The following WWOX variants were observed in gnomAD, a reference collection of about 807,000 sequenced individuals.
The protein encoded by WWOX is WW domain containing oxidoreductase.
In WWOX, 69 loss-of-function variants were observed where a neutral mutation model predicts 46.2. The observed-to-expected ratio is 1.49, with a 90% CI of 1.23 to 1.82. The LOEUF (loss-of-function observed/expected upper bound fraction) is 1.82, where lower values mean the gene tolerates loss of function less well. Among genes scored for constraint, WWOX ranks in the 40% most tolerant of loss-of-function variants. WWOX has a pLI of 0.00. For synonymous variants in WWOX, 359 were observed against 202.6 expected, an observed-to-expected ratio of 1.77 and a Z score of -6.56; for missense variants, 919 against 542.6, an observed-to-expected ratio of 1.69 and a Z score of -6.89.
In WWOX at chr16:78,812,989, A is replaced by G. The variant is rs139783897; in HGVS notation, c.1056+380237A>G. 2.5e-3 allele frequency among the ~76,000 whole-genome samples: 374 copies of G among 152,322 alleles called. 1 individual carries two copies. Among genetic ancestry groups the G allele is most frequent in the Middle Eastern group, 0.017 (5 of 294 alleles). ...GAATTTTGTTATGAATCTTTGGGGA[A>G]ACACAATTAGGGAATCTACCTTAAT... is the stretch of plus-strand genomic sequence containing the variant. On this transcript the variant is annotated intron_variant, in intron 8 of 8. Transcript: ENST00000566780.
intron 8 of WWOX, among the ~76,000 whole-genome samples, chr16:79,199,739 G>C (rs1156611259): frequency 6.6e-6 from 1 of 152,134 alleles, no homozygotes; most frequent in Non-Finnish European, 1.5e-5. Context: ...TACTGGTAGA[G>C]GACAGATTTT....
intron 8 of WWOX, among the ~76,000 whole-genome samples, chr16:78,782,966 A>T (rs1035874784): frequency 2.0e-5 from 3 of 152,190 alleles, no homozygotes; most frequent in African/African-American, 7.2e-5. Context: ...GGCCATTTCT[A>T]TGCCTGCCTG....
chr16:79,091,265 G>A (rs1015585424), intron 8 of WWOX, among the ~76,000 whole-genome samples: 1 of 152,060 alleles, frequency 6.6e-6, no homozygotes, highest in African/African-American at 2.4e-5. Context: ...TAGTAGTTGG[G>A]GCATTTTTAT....
chr16:79,045,404 G>T (rs1027136888), intron 8 of WWOX, among the ~76,000 whole-genome samples: 1 of 152,182 alleles, frequency 6.6e-6, no homozygotes, highest in Non-Finnish European at 1.5e-5. Context: ...TCCCACTCCA[G>T]AGAGATGTAC....
In WWOX at chr16:78,639,135, C is replaced by T. The variant is rs138155787; in HGVS notation, c.1056+206383C>T. ...TTGGACATTTATTGTTCTTTTTGGG[C>T]AAGGTGAAAACTTGAAACCAAAAGT... is the stretch of plus-strand genomic sequence containing the variant. On this transcript the variant is annotated intron_variant, in intron 8 of 8. Coordinates refer to ENST00000566780, the MANE Select transcript of WWOX (RefSeq NM_016373.4). Among the ~76,000 whole-genome samples, 36 of 152,244 alleles carry T rather than the reference C, an allele frequency of 2.4e-4. No individual in the cohort carries two copies. In the East Asian group the frequency reaches 5.4e-3, roughly 23 times the overall value.
intron 8 of WWOX, among the ~76,000 whole-genome samples, chr16:79,163,480 C>G (rs775081591): frequency 1.8e-4 from 27 of 152,084 alleles, no homozygotes; most frequent in Non-Finnish European, 3.5e-4. Context: ...TGCACACAGT[C>G]AGTAATCAAT....
chr16:78,488,456 G>C (rs778332546), intron 8 of WWOX, among the ~76,000 whole-genome samples: 1 of 152,080 alleles, frequency 6.6e-6, no homozygotes, highest in South Asian at 2.1e-4. Context: ...GCTGAGATTG[G>C]CTCTTCCTGA....
intron 1 of WWOX, among the ~76,000 whole-genome samples, chr16:78,107,897 C>G (rs970697738): frequency 6.6e-6 from 1 of 152,040 alleles, no homozygotes; most frequent in African/African-American, 2.4e-5. Context: ...AAAACCAAAA[C>G]AAATACACAG....
chr16:79,073,878 T>G (rs2048598842), intron 8 of WWOX, among the ~76,000 whole-genome samples: 1 of 152,206 alleles, frequency 6.6e-6, no homozygotes, highest in South Asian at 2.1e-4. Flanking sequence ...GGTAGTAATT[T>G]TAAAATGGGC....
rs564570291 is a variant in WWOX, at chr16:78,367,957, A to G, written c.517-18903A>G. ...TTTTTAGTGGAGACGGGATTTCACC[A>G]TGTTGGTCAGGCTGGTGTCAAACTC... On this transcript the variant is annotated intron_variant, in intron 5 of 8. Transcript: ENST00000566780. Among the ~76,000 whole-genome samples, 13 of 152,114 alleles carry G rather than the reference A, an allele frequency of 8.5e-5. No individual in the cohort carries two copies. The East Asian group carries it at 2.3e-3, about 27-fold the overall frequency.
chr16:79,019,231 A>C (rs35859178), intron 8 of WWOX, among the ~76,000 whole-genome samples: 67,179 of 143,934 alleles, frequency 0.47, 16,056 homozygotes, highest in East Asian at 0.55. Context: ...TGTGTCACTT[A>C]GCAGTGGGGA....
intron 5 of WWOX, among the ~76,000 whole-genome samples, chr16:78,256,948 G>A (rs142914163): frequency 6.6e-6 from 1 of 152,092 alleles, no homozygotes; most frequent in Non-Finnish European, 1.5e-5. Context: ...GAGTCAAAGA[G>A]TCAGACAGGT....
At chr16:78,278,710 T>G (rs1427873896) in intron 5 of WWOX, 7 of 1,515,982 alleles carry the variant, frequency 4.6e-6, no homozygotes, top group Non-Finnish European at 6.4e-6. Context: ...TACATCTTCT[T>G]TTGTGGGTAT....
chr16:78,581,992 C>G (rs536777063), intron 8 of WWOX, among the ~76,000 whole-genome samples: 2 of 152,244 alleles, frequency 1.3e-5, no homozygotes, highest in South Asian at 4.1e-4. Flanking sequence ...CTTGGGGCAT[C>G]AAAACATTGT....
chr16:78,603,248 C>T (rs1356646088), intron 8 of WWOX, among the ~76,000 whole-genome samples: 1 of 152,292 alleles, frequency 6.6e-6, no homozygotes, highest in East Asian at 1.9e-4. Context: ...ATTGGATGCT[C>T]ATAGTTTAAG....
chr16:78,956,526 C>T (rs977302229), intron 8 of WWOX, among the ~76,000 whole-genome samples: 3 of 152,088 alleles, frequency 2.0e-5, no homozygotes, highest in Admixed American at 1.3e-4. Context: ...TCATTAGGTT[C>T]ACAGTTGGTG....
chr16:78,511,137 T>G (rs907111980), intron 8 of WWOX, among the ~76,000 whole-genome samples: 1 of 152,188 alleles, frequency 6.6e-6, no homozygotes, highest in African/African-American at 2.4e-5. Context: ...CTTTCTGATA[T>G]TTACAGCCCT....
intron 5 of WWOX, among the ~76,000 whole-genome samples, chr16:78,357,337 C>G (rs908775354): frequency 1.3e-5 from 2 of 152,170 alleles, no homozygotes; most frequent in African/African-American, 2.4e-5. Context: ...CAGCACCACA[C>G]AAACACACTC....
chr16:78,961,884 A>G (rs1468681789), intron 8 of WWOX, among the ~76,000 whole-genome samples: 2 of 152,172 alleles, frequency 1.3e-5, no homozygotes, highest in Non-Finnish European at 2.9e-5. Context: ...GTGGTTCCAC[A>G]TTGACTGCAT....
Sources: allele counts gnomAD v4.1 joint callset (sites outside exome capture counted in the v4.1 genomes callset), GRCh38; gene constraint gnomAD v4.1.1; transcripts MANE v1.5; gene names NCBI Gene and HGNC (gene_info 2026-07-23, HGNC 2026-07-21).